Variants in CACNA1D observed in about 807,000 individuals in gnomAD.
CACNA1D encodes calcium voltage-gated channel subunit alpha1 D.
CACNA1D carries 55 observed loss-of-function variants against 257.1 expected under a neutral mutation model. The ratio of observed to expected loss-of-function variants is 0.21; its 90% CI spans 0.17 to 0.27. The LOEUF (loss-of-function observed/expected upper bound fraction) is 0.27, where lower values mean the gene tolerates loss of function less well. CACNA1D is among the 10% of genes least tolerant of loss of function. The pLI, the probability that CACNA1D is intolerant of heterozygous loss-of-function variation, is 1.00. For synonymous variants in CACNA1D, 980 were observed against 1,014.9 expected (o/e 0.97, Z 0.65); for missense variants, 1,876 against 2,784.0 (o/e 0.67, Z 7.34).
Position 53,747,283 on chromosome 3 carries a change from C to T in CACNA1D, c.3168-19C>T. 1.9e-6 allele frequency: 3 copies of T among 1,612,886 alleles called. No homozygotes were observed. The highest frequency in any genetic ancestry group is 2.5e-6 in the Non-Finnish European group (3 of 1,178,862). On this transcript the variant is annotated intron_variant, in intron 25 of 47. Transcript: ENST00000350061. ...GTCATGTGTGAAGCCAGACGACCCA[C>T]ACCTGTTTTCCTCTCCAGGGGACTT... is the stretch of plus-strand genomic sequence containing the variant.
intron 3 of CACNA1D, among the ~76,000 whole-genome samples, chr3:53,616,540 T>C (rs1478615395): frequency 6.6e-6 from 1 of 152,234 alleles, no homozygotes; most frequent in Admixed American, 6.5e-5. Flanking sequence ...ACAACTCTTC[T>C]GCTTTCTTCC....
rs149273969 is a variant in CACNA1D at position 53,753,631 on chromosome 3, C to T, written c.3735C>T (p.Thr1245=). ...DAMDILNMVF[T]GVFTVEMVLK... is the part of the protein sequence containing the mutation. ...TGGACATTCTGAACATGGTCTTCAC[C>T]GGGGTGTTCACCGTCGAGATGGTTT... Residue 1245 remains threonine, a synonymous_variant, in exon 29 of 48, where the codon ACC becomes ACT. Transcript: ENST00000350061. 29 of 1,613,524 alleles carry T rather than the reference C, an allele frequency of 1.8e-5. No individual in the cohort carries two copies. The highest frequency in any genetic ancestry group is 4.0e-5 in the African/African-American group (3 of 74,918).
intron 5 of CACNA1D, among the ~76,000 whole-genome samples, chr3:53,661,781 A>G (rs1204260610): frequency 6.6e-6 from 1 of 152,232 alleles, no homozygotes. Flanking sequence ...TTACTAAACT[A>G]GTGCAGTGCT....
intron 3 of CACNA1D, among the ~76,000 whole-genome samples, chr3:53,569,597 T>C (rs807188): frequency 0.66 from 100,662 of 152,092 alleles, 33,546 homozygotes; most frequent in East Asian, 0.77. Flanking sequence ...AGTATTAGGG[T>C]GCCCTAGCCT....
chr3:53,758,746 G>C (rs559677554), intron 29 of CACNA1D, among the ~76,000 whole-genome samples: 1 of 152,224 alleles, frequency 6.6e-6, no homozygotes, highest in African/African-American at 2.4e-5. Context: ...AGATTTGACT[G>C]CTGGTTCCAC....
chr3:53,666,271 C>G (rs2094262325), intron 6 of CACNA1D, 68 bp from the exon 7 acceptor site: 1 of 1,486,572 alleles, frequency 6.7e-7, no homozygotes. Flanking sequence ...AGGGTTCTCA[C>G]CTTCCGCTGG....
rs367852223 is a variant in CACNA1D, at chr3:53,745,815, A to G, written c.3115-8A>G. 9.0e-5 allele frequency: 145 copies of G among 1,613,234 alleles called. No individual in the cohort carries two copies. The highest frequency in any genetic ancestry group is 1.2e-4 in the Non-Finnish European group (142 of 1,179,106). On this transcript the variant is annotated splice_polypyrimidine_tract_variant and splice_region_variant and intron_variant, in intron 24 of 47. Coordinates refer to ENST00000350061, the MANE Select transcript of CACNA1D (RefSeq NM_001128840.3). ...ATTTACTTAACTGCCTGTCTATTTT[A>G]TACCCAGGGGAAGTTCTATCGCTGT...
At chr3:53,531,675 C>T (rs1207387788) in intron 3 of CACNA1D, among the ~76,000 whole-genome samples, 3 of 152,124 alleles carry the variant, frequency 2.0e-5, no homozygotes. Context: ...CCCATCACAC[C>T]CACTCTGTTT....
chr3:53,745,377 AT>A (rs1390892246), intron 23 of CACNA1D, among the ~76,000 whole-genome samples: 1 of 151,844 alleles, frequency 6.6e-6, no homozygotes, highest in Non-Finnish European at 1.5e-5. Context: ...AGTAGCTGGG[AT>A]TACAGGTGCA....
chr3:53,770,851 CTGG>C (rs1219357098), intron 32 of CACNA1D, among the ~76,000 whole-genome samples: 4 of 152,190 alleles, frequency 2.6e-5, no homozygotes, highest in African/African-American at 9.7e-5. Flanking sequence ...CCCGGGATGC[CTGG>C]TGGTGGTGGT....
rs895748125 is a variant in CACNA1D, at chr3:53,811,255, G to A, written c.6335G>A (p.Arg2112His). 7.4e-6 allele frequency: 12 copies of A among 1,613,846 alleles called. No homozygotes were observed. Among genetic ancestry groups the A allele is most frequent in the South Asian group, 2.2e-5 (2 of 91,088 alleles). ...AGCACCCTGCTTAATGGGAACGTGC[G>A]TCCCCGAGCCAACGGGGATGTGGGC... ...AASTLLNGNV[R>H]PRANGDVGPL... Residue 2112 changes from arginine (R) to histidine (H), a missense_variant, in exon 48 of 48, where the codon CGT (arginine) becomes CAT (histidine). Arg to His is a conservative substitution (Grantham distance 29, BLOSUM62 0). Coordinates refer to ENST00000350061, the MANE Select transcript of CACNA1D (RefSeq NM_001128840.3). The surrounding 1 kb of genome is among the most constrained non-coding windows in gnomAD (Gnocchi z 4.2).
At chr3:53,500,562 A>G (rs558760911) in intron 2 of CACNA1D, among the ~76,000 whole-genome samples, 1 of 152,284 alleles carries the variant, frequency 6.6e-6, no homozygotes, top group East Asian at 1.9e-4. Context: ...AGTTTTAAGT[A>G]CCTTGAAGTG....
chr3:53,750,990 C>T (rs1364276799), intron 27 of CACNA1D, among the ~76,000 whole-genome samples: 1 of 151,108 alleles, frequency 6.6e-6, no homozygotes, highest in Non-Finnish European at 1.5e-5. Flanking sequence ...CTACAGTGCT[C>T]CAGCTGGGCC....
intron 3 of CACNA1D, among the ~76,000 whole-genome samples, chr3:53,555,733 G>A (rs1046479618): frequency 3.0e-4 from 45 of 152,006 alleles, no homozygotes; most frequent in Non-Finnish European, 3.5e-4. Flanking sequence ...CTCAGCAGAC[G>A]GGAATGCCTG....
chr3:53,726,805 C>T, intron 14 of CACNA1D, 74 bp from the exon 15 acceptor site: 1 of 1,604,272 alleles, frequency 6.2e-7, no homozygotes, highest in Non-Finnish European at 8.5e-7. Context: ...ATCTAGGCAG[C>T]CACCGAGGGG....
At chr3:53,521,735 C>G (rs1288838265) in intron 3 of CACNA1D, among the ~76,000 whole-genome samples, 1 of 152,134 alleles carries the variant, frequency 6.6e-6, no homozygotes, top group East Asian at 1.9e-4. Context: ...CACTATATAG[C>G]CTGGAGCCAC....
Position 53,743,021 on chromosome 3 carries a change from T to C in CACNA1D, c.2822T>C (p.Phe941Ser). The C allele has an allele frequency of 6.2e-7, 1 of 1,610,920 alleles. No individual in the cohort carries two copies. The highest frequency in any genetic ancestry group is 1.7e-5 in the Admixed American group (1 of 60,030). The change falls in exon 22 of 48, where the codon TTT (phenylalanine) becomes TCT (serine). Residue 941 changes from phenylalanine (F) to serine (S), a missense_variant. Around this residue, in one of 10 missense-constraint regions of CACNA1D, gnomAD observed 271 missense variants for 425.5 expected, o/e 0.64. Coordinates refer to ENST00000350061, the MANE Select transcript of CACNA1D (RefSeq NM_001128840.3). The stretch of plus-strand genomic sequence containing the variant: ...TGATTCTGCTTCTAGATGACAACTT[T>C]TGGAGCTTTCCTCCACAAAGGGGCC... Reference protein sequence around the residue: ...TVEILLKMTTFGAFLHKGAFC... With the variant: ...TVEILLKMTTSGAFLHKGAFC...
chr3:53,591,738 A>G (rs192808047), intron 3 of CACNA1D, among the ~76,000 whole-genome samples: 1 of 152,372 alleles, frequency 6.6e-6, no homozygotes, highest in East Asian at 1.9e-4. Flanking sequence ...CCCAGGAACT[A>G]CACAAAGCGT....
intron 8 of CACNA1D, among the ~76,000 whole-genome samples, chr3:53,700,859 T>C (rs2094618154): frequency 1.3e-5 from 2 of 149,198 alleles, no homozygotes; most frequent in Non-Finnish European, 3.0e-5. Context: ...CTTTTTTTTT[T>C]CCTTTCTTTC....
Sources: gnomAD v4.1 joint callset for allele counts (sites outside exome capture counted in the v4.1 genomes callset) on GRCh38, gnomAD v4.1.1 for gene constraint, gnomAD v4.1.1 regional missense constraint, Gnocchi (gnomAD v3.1) non-coding constraint, MANE v1.5 for transcripts, NCBI Gene and HGNC (gene_info 2026-07-23, HGNC 2026-07-21) for gene names.